MTPN: variants seen among roughly 807,000 people sequenced by gnomAD.
MTPN encodes the protein granule cell differentiation protein.
A neutral mutation model predicts 13.5 loss-of-function variants in MTPN; 2 were observed. The observed-to-expected ratio is 0.15, with a 90% CI of 0.06 to 0.47. MTPN has a LOEUF of 0.47. MTPN is among the 20% of genes least tolerant of loss of function. The pLI, the probability that MTPN is intolerant of heterozygous loss-of-function variation, is 0.97. For missense variants in MTPN, 79 were observed against 137.9 expected (o/e 0.57, Z 2.14); for synonymous variants, 46 against 51.7 (o/e 0.89, Z 0.48).
chr7:135,951,840 T>A lies in MTPN; in HGVS notation c.73-210A>T, dbSNP rs548665158. On this transcript the variant is annotated intron_variant, in intron 1 of 3. Transcript: ENST00000393085. ...GATGGAAATTCAAGCCACAATTAGT[T>A]AAGCTGAAAACAATATACAATAATG... Among the ~76,000 whole-genome samples, 193 of 152,310 alleles carry A rather than the reference T, an allele frequency of 1.3e-3. No homozygotes were observed. In the Middle Eastern group the frequency reaches 0.017, roughly 13 times the overall value.
chr7:135,927,487 G>GTTAA lies in MTPN; in HGVS notation c.*2435_*2438dup. 1 of 1,398,188 alleles carries GTTAA rather than the reference G, an allele frequency of 7.2e-7. No individual in the cohort carries two copies. The highest frequency in any genetic ancestry group is 1.3e-5 in the South Asian group (1 of 75,268). 86.6% of individuals were successfully genotyped at this position (1,398,188 alleles called of 1,614,324 possible). ...GAACATGCAAAATTTTTTCTGAGATGTTAAGTATTACTTCAGTGGAGAACA... is the reference window on the plus strand; with the variant it reads ...GAACATGCAAAATTTTTTCTGAGATGTTAATTAAGTATTACTTCAGTGGAGAACA... On this transcript the variant is annotated 3_prime_UTR_variant, in exon 4 of 4. Transcript: ENST00000393085.
intron 3 of MTPN, among the ~76,000 whole-genome samples, chr7:135,945,499 T>C (rs1033465305): frequency 3.9e-5 from 6 of 152,286 alleles, no homozygotes; most frequent in East Asian, 3.9e-4. Flanking sequence ...AACTTTTTTG[T>C]TGAAAACTAA....
chr7:135,975,594 T>C (rs71539485), intron 1 of MTPN, among the ~76,000 whole-genome samples: 2,453 of 152,362 alleles, frequency 0.016, 32 homozygotes, highest in African/African-American at 0.037. Context: ...CAACTTTTTG[T>C]ATTTCAAGTA....
chr7:135,953,568 G>A (rs2116379775), intron 1 of MTPN, among the ~76,000 whole-genome samples: 1 of 152,188 alleles, frequency 6.6e-6, no homozygotes, highest in South Asian at 2.1e-4. Flanking sequence ...AATACGGTTA[G>A]CTATTATCTA....
chr7:135,952,528 A>G (rs542537557), intron 1 of MTPN, among the ~76,000 whole-genome samples: 1 of 152,348 alleles, frequency 6.6e-6, no homozygotes, highest in South Asian at 2.1e-4. Context: ...AAGAGGTTAA[A>G]TAACTTTTTA....
Position 135,927,249 on chromosome 7 carries a change from A to G in MTPN, c.*2677T>C, listed in dbSNP as rs940260310. 73 of 1,510,392 alleles carry G rather than the reference A, an allele frequency of 4.8e-5. No homozygotes were observed. Among genetic ancestry groups the G allele is most frequent in the Non-Finnish European group, 6.3e-5 (71 of 1,124,584 alleles). 93.6% of individuals were successfully genotyped at this position (1,510,392 alleles called of 1,614,324 possible). On this transcript the variant is annotated 3_prime_UTR_variant, in exon 4 of 4. Coordinates refer to ENST00000393085, the MANE Select transcript of MTPN (RefSeq NM_145808.4). ...CTTCCACACACTGCACCTACCTACT[A>G]CCTCTCTTCCATGCTTAACTGGGTT...
chr7:135,955,883 G>A (rs970286448), intron 1 of MTPN, among the ~76,000 whole-genome samples: 1 of 149,874 alleles, frequency 6.7e-6, no homozygotes, highest in South Asian at 2.1e-4. Flanking sequence ...TCAGAATTTA[G>A]CAAACTAGGA....
intron 1 of MTPN, among the ~76,000 whole-genome samples, chr7:135,974,982 CT>C (rs1331166268): frequency 6.6e-6 from 1 of 152,308 alleles, no homozygotes; most frequent in East Asian, 1.9e-4. Flanking sequence ...AAGCTCAATG[CT>C]CTGTACATCA....
chr7:135,976,963 C>A, intron 1 of MTPN, 66 bp downstream of exon 1: 1 of 720,904 alleles, frequency 1.4e-6, no homozygotes. Context: ...CAGCTCCCAT[C>A]AGCTTCCTCA....
chr7:135,944,593 G>A (rs1178781101), intron 3 of MTPN, among the ~76,000 whole-genome samples: 1 of 152,042 alleles, frequency 6.6e-6, no homozygotes, highest in African/African-American at 2.4e-5. Flanking sequence ...GAACCTGTGA[G>A]CCGAGATCAC....
chr7:135,959,740 T>C (rs1000972605), intron 1 of MTPN, among the ~76,000 whole-genome samples: 3 of 152,092 alleles, frequency 2.0e-5, no homozygotes, highest in East Asian at 1.9e-4. Flanking sequence ...CACTGAGTTA[T>C]TTGCTTTTTT....
chr7:135,933,799 A>G (rs1211297214), intron 3 of MTPN, among the ~76,000 whole-genome samples: 5 of 152,350 alleles, frequency 3.3e-5, no homozygotes, highest in Admixed American at 2.0e-4. Context: ...AAGTCAAACT[A>G]TAATTCCCAA....
At chr7:135,936,434 T>C (rs1159118619) in intron 3 of MTPN, among the ~76,000 whole-genome samples, 1 of 152,082 alleles carries the variant, frequency 6.6e-6, no homozygotes, top group Non-Finnish European at 1.5e-5. Flanking sequence ...GCAGTGAGCC[T>C]AGATTGTGCC....
intron 1 of MTPN, among the ~76,000 whole-genome samples, chr7:135,958,315 G>A (rs144693340): frequency 1.3e-4 from 20 of 152,302 alleles, no homozygotes; most frequent in African/African-American, 4.6e-4. Flanking sequence ...GTGCATAGCA[G>A]TCTTATTTTA....
chr7:135,939,576 C>CGGGGGGG (rs71174561), intron 3 of MTPN, among the ~76,000 whole-genome samples: 2 of 4,738 alleles, frequency 4.2e-4, no homozygotes, highest in African/African-American at 4.8e-4. Flanking sequence ...AAAATGGGGG[C>CGGGGGGG]GGGGGGGGGG....
At position 135,977,334 on chromosome 7, in the gene MTPN, G is replaced by A. The variant is rs565516799; in HGVS notation, c.-234C>T. On this transcript the variant is annotated 5_prime_UTR_variant, in exon 1 of 4. Coordinates refer to ENST00000393085, the MANE Select transcript of MTPN (RefSeq NM_145808.4). ...CCCAGCAGAGAGGTTCCGCCTGGCC[G>A]AGGAGAGGCAGGAACCTTTACACTT... 1 of 570,454 alleles carries A rather than the reference G, an allele frequency of 1.8e-6. No homozygotes were observed. The highest frequency in any genetic ancestry group is 2.0e-5 in the South Asian group (1 of 50,486). 35.3% of individuals were successfully genotyped at this position (570,454 alleles called of 1,614,324 possible). A position where few individuals can be genotyped will look rare whatever the true frequency, so the allele number is the denominator to read the frequency against.
At chr7:135,968,846 C>T (rs934164254) in intron 1 of MTPN, among the ~76,000 whole-genome samples, 2 of 151,454 alleles carry the variant, frequency 1.3e-5, no homozygotes, top group African/African-American at 4.9e-5. Flanking sequence ...GAATCACCTG[C>T]AAAAATCCTA....
At position 135,947,400 on chromosome 7, in the gene MTPN, T is replaced by C. The variant is rs1799301601; in HGVS notation, c.270+3199A>G. Among the ~76,000 whole-genome samples, 6 of 152,176 alleles carry C rather than the reference T, an allele frequency of 3.9e-5. No homozygotes were observed. The South Asian group carries it at 1.2e-3, about 31-fold the overall frequency. ...CAAGGTTTCCTTATCATTTCTTGTT[T>C]GATGGATCCAATTCTTCTGGTCCAA... is the stretch of plus-strand genomic sequence containing the variant. On this transcript the variant is annotated intron_variant, in intron 3 of 3. Transcript: ENST00000393085.
intron 1 of MTPN, 88 bp downstream of exon 1, chr7:135,976,941 A>AAC: frequency 4.8e-6 from 1 of 209,548 alleles, no homozygotes; most frequent in Non-Finnish European, 1.0e-5. Context: ...GCCCACCCCC[A>AAC]TCCCCGCAGT....
Sources: allele counts gnomAD v4.1 joint callset (sites outside exome capture counted in the v4.1 genomes callset), GRCh38; gene constraint gnomAD v4.1.1; transcripts MANE v1.5; gene names NCBI Gene and HGNC (gene_info 2026-07-23, HGNC 2026-07-21).